CERS5: variants seen among roughly 807,000 people sequenced by gnomAD.
The protein encoded by CERS5 is LAG1 homolog, ceramide synthase 5.
A neutral mutation model predicts 58.9 loss-of-function variants in CERS5; 37 were observed. That is an observed-to-expected ratio of 0.63 (90% CI 0.48 to 0.83). The LOEUF (loss-of-function observed/expected upper bound fraction) is 0.83. Among genes scored for constraint, CERS5 ranks in the 40% least tolerant of loss-of-function variants. The probability of loss-of-function intolerance (pLI) is 0.00; values close to 1 mark genes in which losing one functional copy is unlikely to be tolerated. For synonymous variants in CERS5, 147 were observed against 177.8 expected, an observed-to-expected ratio of 0.83 and a Z score of 1.38; for missense variants, 398 against 489.3, an observed-to-expected ratio of 0.81 and a Z score of 1.76.
intron 3 of CERS5, among the ~76,000 whole-genome samples, chr12:50,142,556 A>G (rs1233503654): frequency 1.3e-5 from 2 of 151,802 alleles, no homozygotes; most frequent in Non-Finnish European, 2.9e-5. Context: ...CTCAAAAAAA[A>G]AAAAAAAAAA....
chr12:50,134,725 C>CA, intron 8 of CERS5, 23 bp from the exon 9 acceptor site: 1 of 1,603,960 alleles, frequency 6.2e-7, no homozygotes. Context: ...GGCCAATAGT[C>CA]AGATTCTAGA....
intron 9 of CERS5, chr12:50,132,979 G>C (rs766434987): frequency 1.0e-5 from 13 of 1,289,076 alleles, no homozygotes; most frequent in Non-Finnish European, 1.3e-5. Context: ...AGATGAAACT[G>C]TCCAGCTCCC....
chr12:50,165,316 G>A (rs1197723659), intron 1 of CERS5: 11 of 152,014 alleles, frequency 7.2e-5, no homozygotes, highest in Non-Finnish European at 1.6e-4. Flanking sequence ...CTACTCGGGA[G>A]ACTGAAGCAG....
chr12:50,162,450 T>G, intron 1 of CERS5, among the ~76,000 whole-genome samples: 1 of 152,120 alleles, frequency 6.6e-6, no homozygotes, highest in South Asian at 2.1e-4. Context: ...GTTCTAGCTT[T>G]TAGCAGTCTA....
At position 50,134,590 on chromosome 12, in the gene CERS5, A is replaced by G; in HGVS notation, c.985T>C (p.Tyr329His). The stretch of plus-strand genomic sequence containing the variant: ...TTCAAAGCAATCCGTGCAATTAGGT[A>G]GGACCAGATGACATGCAGAAGCTGT... Reference protein sequence around the residue: ...TLQLLHVIWSYLIARIALKAL... With the variant: ...TLQLLHVIWSHLIARIALKAL... The change falls in exon 9 of 10, where the codon TAC becomes CAC. Residue 329 changes from tyrosine to histidine, a missense_variant. Transcript: ENST00000317551. 1.2e-6 allele frequency: 2 copies of G among 1,614,212 alleles called. No individual in the cohort carries two copies. Among genetic ancestry groups the G allele is most frequent in the Non-Finnish European group, 1.7e-6 (2 of 1,180,034 alleles).
At chr12:50,135,600 A>G (rs760007709) in intron 8 of CERS5, 132 bp downstream of exon 8, 2 of 783,992 alleles carry the variant, frequency 2.6e-6, no homozygotes, top group Non-Finnish European at 4.6e-6. Context: ...AAAGCAGGGC[A>G]ATAGGGTTCT....
chr12:50,167,226 G>C lies in CERS5; in HGVS notation c.72C>G (p.Pro24=), dbSNP rs76956201. 1.2e-4 allele frequency: 185 copies of C among 1,606,290 alleles called. No homozygotes were observed. In the African/African-American group the frequency reaches 2.3e-3, roughly 20 times the overall value. ...CCAGATCAGCCCAGCTCACGTTCTC[G>C]GGTAGCCAGAAGCGCTCGCTCCACA... ...GWLWSERFWL[P]ENVSWADLEG... Residue 24 remains proline, a synonymous_variant, in exon 1 of 10, where the codon CCC becomes CCG. Coordinates refer to ENST00000317551, the MANE Select transcript of CERS5 (RefSeq NM_147190.5).
rs758195120 is a variant in CERS5, at chr12:50,135,998, C to T, written c.708G>A (p.Met236Ile). The stretch of plus-strand genomic sequence containing the variant: ...ACATGATCAGAGTTCCCACTCGAAC[C>T]ATATTGTTGATGTAGGAGAAGGAGA... ...GLISFSYINN[M>I]VRVGTLIMCL... The change falls in exon 7 of 10, where the codon ATG (methionine) becomes ATA (isoleucine). Residue 236 changes from methionine (M) to isoleucine (I), a missense_variant. Met to Ile is a conservative substitution (Grantham distance 10, BLOSUM62 1). Around this residue, in one of 3 missense-constraint regions of CERS5, gnomAD observed 328 missense variants for 384.5 expected, o/e 0.85. Coordinates refer to ENST00000317551, the MANE Select transcript of CERS5 (RefSeq NM_147190.5). The T allele has an allele frequency of 6.6e-7, 1 of 1,520,832 alleles. No individual in the cohort carries two copies. The highest frequency in any genetic ancestry group is 1.4e-5 in the South Asian group (1 of 73,922). 94.2% of individuals were successfully genotyped at this position (1,520,832 alleles called of 1,614,324 possible).
intron 1 of CERS5, 35 bp from the exon 2 acceptor site, chr12:50,144,092 T>TA (rs765994686): frequency 2.4e-6 from 3 of 1,256,254 alleles, no homozygotes; most frequent in South Asian, 1.2e-5. Context: ...CAATTCTTTT[T>TA]AAAAAAATTT....
At chr12:50,162,184 C>CTTTTT (rs75460499) in intron 1 of CERS5, among the ~76,000 whole-genome samples, 3 of 129,364 alleles carry the variant, frequency 2.3e-5, no homozygotes, top group Admixed American at 7.6e-5. Flanking sequence ...CTGATTTGTT[C>CTTTTT]TTTTTTTTTT....
chr12:50,153,879 G>T (rs1253598125), intron 1 of CERS5: 1 of 421,978 alleles, frequency 2.4e-6, no homozygotes, highest in Admixed American at 2.7e-5. Flanking sequence ...ATTTGAACCT[G>T]GGAGGCAGAG....
chr12:50,133,160 A>C (rs1951430476), intron 9 of CERS5: 1 of 1,230,728 alleles, frequency 8.1e-7, no homozygotes, highest in Admixed American at 2.8e-5. Context: ...AATGGCAGCT[A>C]TAAGGAATAA....
intron 1 of CERS5, among the ~76,000 whole-genome samples, chr12:50,162,636 C>T (rs1280689622): frequency 6.6e-6 from 1 of 150,552 alleles, no homozygotes; most frequent in East Asian, 1.9e-4. Context: ...TAGAGTCTTG[C>T]TCTATTGCCT....
At chr12:50,163,358 G>A (rs1030256151) in intron 1 of CERS5, among the ~76,000 whole-genome samples, 16 of 151,378 alleles carry the variant, frequency 1.1e-4, no homozygotes, top group Middle Eastern at 3.3e-3. Flanking sequence ...GCCACTACGC[G>A]GGGCTATTTT....
chr12:50,153,252 T>A, intron 1 of CERS5, among the ~76,000 whole-genome samples: 1 of 147,982 alleles, frequency 6.8e-6, no homozygotes, highest in Admixed American at 6.9e-5. Flanking sequence ...TTGGTTATAA[T>A]GAGATAAACT....
At chr12:50,159,211 C>G (rs1276989376) in intron 1 of CERS5, among the ~76,000 whole-genome samples, 1 of 151,998 alleles carries the variant, frequency 6.6e-6, no homozygotes, top group African/African-American at 2.4e-5. Context: ...ATCCCAGCTA[C>G]TCAGGAGGCT....
chr12:50,148,946 A>ATATATATG (rs1420401358), intron 1 of CERS5, among the ~76,000 whole-genome samples: 45 of 103,038 alleles, frequency 4.4e-4, no homozygotes, highest in South Asian at 6.6e-4. Flanking sequence ...ATATATATAT[A>ATATATATG]TGTGTGTGTG....
chr12:50,148,811 A>T (rs1163093572), intron 1 of CERS5, among the ~76,000 whole-genome samples: 1 of 149,978 alleles, frequency 6.7e-6, no homozygotes, highest in African/African-American at 2.5e-5. Flanking sequence ...TGGCTAAGGC[A>T]GGAGAATTGC....
At chr12:50,157,155 C>T (rs1378741261) in intron 1 of CERS5, among the ~76,000 whole-genome samples, 1 of 152,100 alleles carries the variant, frequency 6.6e-6, no homozygotes, top group East Asian at 1.9e-4. Flanking sequence ...TCTTCCTCCC[C>T]TCAAACATCG....
Sources: allele counts gnomAD v4.1 joint callset (sites outside exome capture counted in the v4.1 genomes callset), GRCh38; gene constraint gnomAD v4.1.1; regional missense constraint gnomAD v4.1.1; transcripts MANE v1.5; gene names NCBI Gene and HGNC (gene_info 2026-07-23, HGNC 2026-07-21).